The following NUDT3 variants were observed in gnomAD, a reference collection of about 807,000 sequenced individuals.
NUDT3 encodes nudix hydrolase 3, also known as diphosphoinositol polyphosphate phosphohydrolase 1.
Under a neutral mutation model 23.6 loss-of-function variants are expected in NUDT3, and 9 were observed. That is an observed-to-expected ratio of 0.38 (90% CI 0.23 to 0.66). The LOEUF is 0.66. NUDT3 is among the 30% of genes least tolerant of loss of function. The probability of loss-of-function intolerance (pLI) is 0.52; values close to 1 mark genes in which losing one functional copy is unlikely to be tolerated. For synonymous variants in NUDT3, 86 were observed against 82.6 expected (o/e 1.04, Z -0.22); for missense variants, 172 against 218.5 (o/e 0.79, Z 1.34).
intron 2 of NUDT3, among the ~76,000 whole-genome samples, chr6:34,298,518 C>G (rs536082054): frequency 6.7e-6 from 1 of 150,308 alleles, no homozygotes; most frequent in African/African-American, 2.5e-5. Flanking sequence ...TGTGTAAAAT[C>G]TAGTGTAAAT....
At position 34,374,016 on chromosome 6, in the gene NUDT3, G is replaced by A. The variant is rs748454420; in HGVS notation, c.99+18248C>T. ...TTAAAAAATACAAAAAATTAGCCAG[G>A]TGTGGTGGCATGCACCTGTAGTCCC... On this transcript the variant is annotated intron_variant, in intron 1 of 4. Transcript: ENST00000607016. Among the ~76,000 whole-genome samples the A allele has an allele frequency of 1.7e-3, 252 of 152,018 alleles. 8 individuals are homozygous for A. Among genetic ancestry groups the A allele is most frequent in the Non-Finnish European group, 3.1e-4 (21 of 67,998 alleles).
chr6:34,384,476 T>A (rs1765072970), intron 1 of NUDT3, among the ~76,000 whole-genome samples: 1 of 152,198 alleles, frequency 6.6e-6, no homozygotes, highest in Non-Finnish European at 1.5e-5. Flanking sequence ...ATTTGTTGTA[T>A]GTTCTGTATC....
intron 2 of NUDT3, among the ~76,000 whole-genome samples, chr6:34,330,450 A>C (rs1046225946): frequency 2.0e-5 from 3 of 152,090 alleles, no homozygotes; most frequent in Non-Finnish European, 4.4e-5. Flanking sequence ...AATGTAGAAG[A>C]TACACATTTT....
chr6:34,379,909 A>C (rs959549240), intron 1 of NUDT3, among the ~76,000 whole-genome samples: 1 of 151,834 alleles, frequency 6.6e-6, no homozygotes, highest in African/African-American at 2.4e-5. Context: ...TGGGAGGTGG[A>C]GGCAGGAAAA....
chr6:34,345,642 G>A (rs1249971514), intron 1 of NUDT3, among the ~76,000 whole-genome samples: 1 of 135,018 alleles, frequency 7.4e-6, no homozygotes, highest in Admixed American at 8.4e-5. Flanking sequence ...TAGCATGGGC[G>A]ACAGAGCGAG....
intron 2 of NUDT3, among the ~76,000 whole-genome samples, chr6:34,331,164 T>C (rs1212993367): frequency 6.6e-6 from 1 of 152,236 alleles, no homozygotes; most frequent in Non-Finnish European, 1.5e-5. Context: ...CTAAAATAAC[T>C]TCTTGATAGA....
chr6:34,293,358 G>T, intron 4 of NUDT3, 93 bp downstream of exon 4: 1 of 1,454,490 alleles, frequency 6.9e-7, no homozygotes, highest in Non-Finnish European at 9.6e-7. Context: ...CACTGAGCCT[G>T]GTACGCTCTT....
In NUDT3 at chr6:34,297,749, ATATATATATAATTTT is replaced by A. The variant is rs1561899078; in HGVS notation, c.211-2079_211-2065del. ...AAAAAAAATATATATATATATATATATATATATATAATTTTTTTTTTTTTTTTAGTAGAGACGGGG... is the reference window on the plus strand; with the variant it reads ...AAAAAAAATATATATATATATATATATTTTTTTTTTTTAGTAGAGACGGGG... On this transcript the variant is annotated intron_variant, in intron 2 of 4. Coordinates refer to ENST00000607016, the MANE Select transcript of NUDT3 (RefSeq NM_006703.4). 4.8e-3 allele frequency among the ~76,000 whole-genome samples: 491 copies of A among 103,326 alleles called. 16 individuals carry two copies. The highest frequency in any genetic ancestry group is 0.019 in the African/African-American group (432 of 23,118). The allele number at this position is 103,326 out of a possible 152,430, so 67.8% of individuals were successfully genotyped here.
In NUDT3 at chr6:34,283,236, G is replaced by C. The variant is rs924637793; in HGVS notation, c.*5517C>G. 8.2e-6 allele frequency: 1 copy of C among 121,724 alleles called. No individual in the cohort carries two copies. Among genetic ancestry groups the C allele is most frequent in the African/African-American group, 3.3e-5 (1 of 30,658 alleles). 7.5% of individuals were successfully genotyped at this position (121,724 alleles called of 1,614,324 possible). On this transcript the variant is annotated 3_prime_UTR_variant, in exon 5 of 5. Transcript: ENST00000607016. ...TTTTTTTTTTTTGAGACGGAGTCTT[G>C]CTCTGTCGCCTAGGCTGCAGTGCAG...
rs1192943815 is a variant in NUDT3, at chr6:34,392,257, G to T, written c.99+7C>A. 2 of 1,585,648 alleles carry T rather than the reference G, an allele frequency of 1.3e-6. No individual in the cohort carries two copies. ...GCGACCCCGGCCCGCCCAGCCTGCC[G>T]CCTCACCTCCTCCTCGCTCTCGCTG... On this transcript the variant is annotated splice_region_variant and intron_variant, in intron 1 of 4. Transcript: ENST00000607016.
At chr6:34,323,024 T>C (rs1234976727) in intron 2 of NUDT3, among the ~76,000 whole-genome samples, 1 of 152,192 alleles carries the variant, frequency 6.6e-6, no homozygotes, top group Non-Finnish European at 1.5e-5. Flanking sequence ...CTGCATGTTC[T>C]CACTTATGAG....
intron 1 of NUDT3, among the ~76,000 whole-genome samples, chr6:34,381,017 G>A (rs1304113054): frequency 6.6e-6 from 1 of 151,820 alleles, no homozygotes; most frequent in East Asian, 1.9e-4. Flanking sequence ...ACTCCAAACT[G>A]CATCTTATTT....
At chr6:34,315,872 T>C (rs531932052) in intron 2 of NUDT3, among the ~76,000 whole-genome samples, 26 of 152,350 alleles carry the variant, frequency 1.7e-4, no homozygotes, top group Non-Finnish European at 2.6e-4. Context: ...GCTTTGCTAG[T>C]CACATGGCCA....
chr6:34,375,103 T>C (rs575856249), intron 1 of NUDT3, among the ~76,000 whole-genome samples: 2 of 152,228 alleles, frequency 1.3e-5, no homozygotes, highest in Non-Finnish European at 2.9e-5. Context: ...TCCCAGCACT[T>C]TGGCCGAGGT....
chr6:34,352,859 C>T (rs1033260783), intron 1 of NUDT3, among the ~76,000 whole-genome samples: 2 of 152,196 alleles, frequency 1.3e-5, no homozygotes, highest in African/African-American at 2.4e-5. Context: ...TCTCTCTAGA[C>T]TTCAGCTTTT....
intron 1 of NUDT3, among the ~76,000 whole-genome samples, chr6:34,364,510 A>G (rs983441383): frequency 6.6e-5 from 10 of 152,160 alleles, no homozygotes; most frequent in Non-Finnish European, 1.3e-4. Context: ...CTAGGATATT[A>G]AAACAACAAC....
intron 1 of NUDT3, among the ~76,000 whole-genome samples, chr6:34,382,839 A>G (rs868583984): frequency 6.6e-6 from 1 of 152,086 alleles, no homozygotes; most frequent in South Asian, 2.1e-4. Flanking sequence ...TCAAAAAAAA[A>G]AGGAAAGGCC....
chr6:34,378,764 A>C (rs950360833), intron 1 of NUDT3, among the ~76,000 whole-genome samples: 1 of 152,344 alleles, frequency 6.6e-6, no homozygotes, highest in Non-Finnish European at 1.5e-5. Flanking sequence ...GAAGAGAGCT[A>C]GGTGGAGGAT....
intron 1 of NUDT3, among the ~76,000 whole-genome samples, chr6:34,376,792 T>C (rs1764929954): frequency 2.0e-5 from 3 of 152,102 alleles, no homozygotes; most frequent in South Asian, 2.1e-4. Context: ...ACAACTGTGG[T>C]TCCCCACTGT....
Sources: allele counts gnomAD v4.1 joint callset (sites outside exome capture counted in the v4.1 genomes callset), GRCh38; gene constraint gnomAD v4.1.1; transcripts MANE v1.5; gene names NCBI Gene and HGNC (gene_info 2026-07-23, HGNC 2026-07-21).